The following BRI3 variants were observed in gnomAD, a reference collection of about 807,000 sequenced individuals.
BRI3 encodes membrane protein BRI3.
A neutral mutation model predicts 12.8 loss-of-function variants in BRI3; 6 were observed. The ratio of observed to expected loss-of-function variants is 0.47; its 90% CI spans 0.26 to 0.93. The LOEUF is 0.93. BRI3 is among the 40% of genes least tolerant of loss of function. BRI3 has a pLI of 0.15. For missense variants in BRI3, 134 were observed against 171.1 expected (o/e 0.78, Z 1.21); for synonymous variants, 91 against 76.1 (o/e 1.20, Z -1.02).
downstream of BRI3, among the ~76,000 whole-genome samples, chr7:98,296,227 G>A (rs1244419927): frequency 6.6e-6 from 1 of 152,262 alleles, no homozygotes; most frequent in Non-Finnish European, 1.5e-5. Context: ...CATGCTGGGT[G>A]ATCGTGGGGG....
intron 1 of BRI3, among the ~76,000 whole-genome samples, chr7:98,299,173 G>A (rs1474101687): frequency 6.6e-6 from 1 of 152,014 alleles, no homozygotes; most frequent in South Asian, 2.1e-4. Context: ...CTGCCACCAT[G>A]CCCAGCTAAT....
chr7:98,304,072 T>TC, upstream of BRI3: 1 of 1,048,562 alleles, frequency 9.5e-7, no homozygotes, highest in Non-Finnish European at 1.3e-6. Flanking sequence ...TCCTCCCTCC[T>TC]CCCCGGGGAC....
intron 2 of BRI3, among the ~76,000 whole-genome samples, chr7:98,283,868 C>A (rs1019759738): frequency 6.6e-6 from 1 of 152,172 alleles, no homozygotes; most frequent in East Asian, 1.9e-4. Flanking sequence ...GAGAGACCAG[C>A]GGCAGCGAGG....
chr7:98,307,469 C>A (rs190815506), intron 1 of BRI3: 2 of 1,410,012 alleles, frequency 1.4e-6, no homozygotes, highest in Non-Finnish European at 9.2e-7. Flanking sequence ...TGACTTCATA[C>A]GCTCTAATAA....
exon 2 of BRI3, chr7:98,307,689 G>T (rs747446690): frequency 6.2e-7 from 1 of 1,613,792 alleles, no homozygotes; most frequent in Admixed American, 1.7e-5. Flanking sequence ...CCAGACTTAC[G>T]CCTTGGACAC....
upstream of BRI3, among the ~76,000 whole-genome samples, chr7:98,304,872 T>C (rs1800580368): frequency 2.6e-5 from 4 of 151,140 alleles, no homozygotes; most frequent in South Asian, 8.4e-4. Context: ...GAAATTTTTT[T>C]TTTTTTTTTT....
exon 2 of BRI3, chr7:98,308,253 G>C: frequency 2.1e-6 from 1 of 484,196 alleles, no homozygotes; most frequent in South Asian, 1.5e-5. Context: ...AACTGCCCTC[G>C]CAATTCCAAT....
At chr7:98,290,229 C>T (rs1193560541) in intron 2 of BRI3, among the ~76,000 whole-genome samples, 4 of 145,386 alleles carry the variant, frequency 2.8e-5, no homozygotes, top group Non-Finnish European at 6.0e-5. Context: ...CGCTCTGTCG[C>T]CCAGGCCGGA....
chr7:98,319,898 A>C, the BRI3 span, among the ~76,000 whole-genome samples: 50 of 152,242 alleles, frequency 3.3e-4, 1 homozygote, highest in East Asian at 9.3e-3. Flanking sequence ...ACCGGCCCAC[A>C]CAGCCCAAAG....
At chr7:98,294,202 A>T, downstream of BRI3, 2 of 1,430,146 alleles carry the variant, frequency 1.4e-6, no homozygotes, top group Non-Finnish European at 1.9e-6. Context: ...TATGTTGCCC[A>T]GGCTGGTTTC....
chr7:98,305,060 T>TG (rs1418311302), upstream of BRI3, among the ~76,000 whole-genome samples: 1 of 147,044 alleles, frequency 6.8e-6, no homozygotes, highest in Non-Finnish European at 1.5e-5. Flanking sequence ...TTTTTTTTTT[T>TG]TTTTTTTTTT....
exon 2 of BRI3, chr7:98,310,331 C>CATG: frequency 8.3e-7 from 1 of 1,206,356 alleles, no homozygotes; most frequent in Non-Finnish European, 1.2e-6. Context: ...ATCTACCATA[C>CATG]CTGCTTGTTT....
chr7:98,308,313 AAAG>A (rs1207825106), exon 2 of BRI3: 1 of 459,830 alleles, frequency 2.2e-6, no homozygotes, highest in Admixed American at 2.3e-5. Context: ...CAATGTCCAC[AAAG>A]AAAAGAAGAA....
At chr7:98,284,347 G>A (rs1584388700) in intron 2 of BRI3, among the ~76,000 whole-genome samples, 2 of 152,326 alleles carry the variant, frequency 1.3e-5, no homozygotes. Flanking sequence ...CTGGCTCCCC[G>A]AGGCTTTGCC....
At chr7:98,293,158 T>C, downstream of BRI3, 1 of 307,594 alleles carries the variant, frequency 3.3e-6, no homozygotes, top group Non-Finnish European at 5.4e-6. Context: ...CTCATTCATA[T>C]CAGGTGCAGA....
intron 2 of BRI3, among the ~76,000 whole-genome samples, chr7:98,288,195 G>A (rs1474713085): frequency 2.0e-5 from 3 of 152,218 alleles, no homozygotes; most frequent in Non-Finnish European, 2.9e-5. Context: ...GGAAGAGGAA[G>A]CTCCCCTGAG....
At chr7:98,307,520 C>T (rs939903551) in exon 2 of BRI3, 24 of 1,449,352 alleles carry the variant, frequency 1.7e-5, no homozygotes, top group Non-Finnish European at 9.0e-6. Flanking sequence ...CACAGACATA[C>T]AGAAAATAGC....
At chr7:98,310,664 T>G, downstream of BRI3, 1 of 722,736 alleles carries the variant, frequency 1.4e-6, no homozygotes. Context: ...CCCAAGGCTG[T>G]TTTTTTTTTT....
chr7:98,308,677 T>C, exon 2 of BRI3: 1 of 223,946 alleles, frequency 4.5e-6, no homozygotes, highest in South Asian at 7.0e-5. Context: ...AATATATATA[T>C]ATGTATGTAT....
Sources: allele counts gnomAD v4.1 joint callset (sites outside exome capture counted in the v4.1 genomes callset), GRCh38; gene constraint gnomAD v4.1.1; transcripts MANE v1.5; gene names NCBI Gene and HGNC (gene_info 2026-07-23, HGNC 2026-07-21).